CEP97: variants seen among roughly 807,000 people sequenced by gnomAD.
CEP97 encodes the protein centrosomal protein of 97 kDa.
In CEP97, 43 loss-of-function variants were observed where a neutral mutation model predicts 73.1. That is an observed-to-expected ratio of 0.59 (90% confidence interval 0.46 to 0.76). CEP97 has a LOEUF of 0.76. CEP97 is among the 30% of genes least tolerant of loss of function. The probability of loss-of-function intolerance (pLI) is 0.00; values close to 1 mark genes in which losing one functional copy is unlikely to be tolerated. For synonymous variants in CEP97, 337 were observed against 370.0 expected, an observed-to-expected ratio of 0.91 and a Z score of 1.02; for missense variants, 939 against 1,014.0, an observed-to-expected ratio of 0.93 and a Z score of 1.00.
intron 6 of CEP97, among the ~76,000 whole-genome samples, chr3:101,746,151 A>C (rs1021656961): frequency 2.6e-5 from 4 of 152,186 alleles, no homozygotes; most frequent in African/African-American, 9.7e-5. Flanking sequence ...AATCCAGTCT[A>C]TCATTGTTGG....
At chr3:101,727,060 C>T (rs1284362681) in intron 2 of CEP97, among the ~76,000 whole-genome samples, 2 of 152,180 alleles carry the variant, frequency 1.3e-5, no homozygotes, top group Non-Finnish European at 2.9e-5. Flanking sequence ...TCTTATATGT[C>T]TGGCACTGTA....
chr3:101,726,918 A>G (rs1266344306), intron 2 of CEP97, among the ~76,000 whole-genome samples, 182 bp downstream of exon 2: 2 of 152,128 alleles, frequency 1.3e-5, no homozygotes, highest in Non-Finnish European at 2.9e-5. Flanking sequence ...GTAGATTAGA[A>G]AAAAAAAGCA....
intron 4 of CEP97, 135 bp downstream of exon 4, chr3:101,729,072 G>T: frequency 1.6e-6 from 1 of 618,352 alleles, no homozygotes; most frequent in Non-Finnish European, 2.9e-6. Context: ...GGCTGGGCAT[G>T]GTGGGTCATG....
At chr3:101,748,701 C>T (rs2611837) in intron 6 of CEP97, among the ~76,000 whole-genome samples, 32,655 of 152,038 alleles carry the variant, frequency 0.21, 3,991 homozygotes, top group East Asian at 0.48. Flanking sequence ...AGTGCAGTGG[C>T]GCAATCTCGG....
At chr3:101,734,800 C>T (rs1280848723) in intron 6 of CEP97, among the ~76,000 whole-genome samples, 1 of 152,134 alleles carries the variant, frequency 6.6e-6, no homozygotes, top group Non-Finnish European at 1.5e-5. Flanking sequence ...GGGAGTAGGA[C>T]TGGCAACATT....
intron 6 of CEP97, among the ~76,000 whole-genome samples, chr3:101,752,148 A>G (rs915595042): frequency 1.1e-4 from 16 of 152,116 alleles, no homozygotes; most frequent in Non-Finnish European, 2.4e-4. Context: ...TCCTTCACTT[A>G]TGAAGCTTAG....
At chr3:101,742,829 C>A (rs2107154748) in intron 6 of CEP97, among the ~76,000 whole-genome samples, 1 of 150,442 alleles carries the variant, frequency 6.6e-6, no homozygotes, top group East Asian at 1.9e-4. Flanking sequence ...TGTAGAAGTA[C>A]AGAGCGAGAC....
At chr3:101,760,194 C>T (rs1939132707) in intron 9 of CEP97, among the ~76,000 whole-genome samples, 1 of 152,024 alleles carries the variant, frequency 6.6e-6, no homozygotes, top group South Asian at 2.1e-4. Context: ...TCTGATGCTG[C>T]TTCTTTTTCA....
Position 101,764,894 on chromosome 3 carries a change from T to G in CEP97, c.1941T>G (p.Ser647Arg), listed in dbSNP as rs142995579. The G allele has an allele frequency of 1.7e-5, 28 of 1,613,928 alleles. 1 individual carries two copies. The African/African-American group carries it at 3.5e-4, about 20-fold the overall frequency. ...AACAGACAGTGGACCAGCGTCTAAGTTCCTGGCATACTGATGTTCCTCCTA... is the reference window on the plus strand; with the variant it reads ...AACAGACAGTGGACCAGCGTCTAAGGTCCTGGCATACTGATGTTCCTCCTA... ...VWQQTVDQRL[S>R]SWHTDVPPIS... The change falls in exon 11 of 11, where the codon AGT becomes AGG. Residue 647 changes from serine to arginine, a missense_variant. Ser to Arg is a moderately radical substitution (Grantham distance 110, BLOSUM62 -1). Coordinates refer to ENST00000341893, the MANE Select transcript of CEP97 (RefSeq NM_024548.4).
intron 6 of CEP97, among the ~76,000 whole-genome samples, chr3:101,733,296 TCACA>T (rs1938171503): frequency 6.6e-6 from 1 of 152,124 alleles, no homozygotes; most frequent in African/African-American, 2.4e-5. Context: ...CAGATCAGTC[TCACA>T]AAAGCTTGTA....
intron 6 of CEP97, among the ~76,000 whole-genome samples, chr3:101,752,517 C>G (rs948028927): frequency 6.6e-6 from 1 of 152,206 alleles, no homozygotes; most frequent in Non-Finnish European, 1.5e-5. Flanking sequence ...TTCTCCCTGT[C>G]ACTTTCAGGT....
intron 9 of CEP97, among the ~76,000 whole-genome samples, chr3:101,760,881 A>G (rs1939154886): frequency 6.6e-6 from 1 of 151,088 alleles, no homozygotes; most frequent in East Asian, 2.0e-4. Context: ...TTTTTTTTTG[A>G]GATGGAGTCT....
intron 1 of CEP97, among the ~76,000 whole-genome samples, chr3:101,725,877 G>GTT (rs55666231): frequency 1.7e-3 from 233 of 139,574 alleles, no homozygotes; most frequent in Middle Eastern, 3.6e-3. Flanking sequence ...TTTTTTTTTT[G>GTT]TTTTTTTTTT....
At chr3:101,738,088 C>T (rs1327931093) in intron 6 of CEP97, among the ~76,000 whole-genome samples, 1 of 142,296 alleles carries the variant, frequency 7.0e-6, no homozygotes, top group African/African-American at 2.6e-5. Context: ...CAACATATAT[C>T]AAAAAGACAA....
chr3:101,728,962 G>A, intron 4 of CEP97, 25 bp downstream of exon 4: 1 of 1,319,098 alleles, frequency 7.6e-7, no homozygotes, highest in Non-Finnish European at 1.1e-6. Flanking sequence ...TTTGTCATTT[G>A]TGAAGTTTTA....
intron 9 of CEP97, among the ~76,000 whole-genome samples, chr3:101,760,803 G>A (rs1442964879): frequency 6.6e-6 from 1 of 151,912 alleles, no homozygotes. Flanking sequence ...GCCTCCTAAA[G>A]TTCTGGGATT....
chr3:101,726,319 A>G (rs1198105533), intron 1 of CEP97, among the ~76,000 whole-genome samples: 1 of 152,230 alleles, frequency 6.6e-6, no homozygotes, highest in African/African-American at 2.4e-5. Flanking sequence ...GTAATCGTCC[A>G]TATTTAAATG....
At chr3:101,748,129 CAAAAAAA>C (rs71625598) in intron 6 of CEP97, among the ~76,000 whole-genome samples, 15 of 53,902 alleles carry the variant, frequency 2.8e-4, no homozygotes, top group Admixed American at 1.6e-3. Flanking sequence ...GACCTTGTCT[CAAAAAAA>C]AAAAAAAAAA....
At position 101,769,400 on chromosome 3, in the gene CEP97, C is replaced by T. The variant is rs1939404645; in HGVS notation, c.*3849C>T. 6.6e-6 allele frequency: 1 copy of T among 151,052 alleles called. No individual in the cohort carries two copies. Among genetic ancestry groups the T allele is most frequent in the South Asian group, 2.1e-4 (1 of 4,788 alleles). The allele number at this position is 151,052 out of a possible 1,614,324, so 9.4% of individuals were successfully genotyped here. A position where few individuals can be genotyped will look rare whatever the true frequency, so the allele number is the denominator to read the frequency against. ...TGGTCTCAGCTCACTGCAACCTCCA[C>T]TTCCTGGGTACAAGCGATTCTCCTG... On this transcript the variant is annotated 3_prime_UTR_variant, in exon 11 of 11. Coordinates refer to ENST00000341893, the MANE Select transcript of CEP97 (RefSeq NM_024548.4).
Sources: allele counts gnomAD v4.1 joint callset (sites outside exome capture counted in the v4.1 genomes callset), GRCh38; gene constraint gnomAD v4.1.1; transcripts MANE v1.5; gene names NCBI Gene and HGNC (gene_info 2026-07-23, HGNC 2026-07-21).